The following OPRM1 variants were observed in gnomAD, a reference collection of about 807,000 sequenced individuals.
The protein encoded by OPRM1 is mu-type opioid receptor.
In OPRM1, 27 loss-of-function variants were observed where a neutral mutation model predicts 31.8. That is an observed-to-expected ratio of 0.85 (90% CI 0.63 to 1.17). The LOEUF is 1.17. Ranked by LOEUF, OPRM1 falls within the 50% of genes most tolerant of loss-of-function variation. The pLI, the probability that OPRM1 is intolerant of heterozygous loss-of-function variation, is 0.00. For missense variants in OPRM1, 536 were observed against 511.1 expected, an observed-to-expected ratio of 1.05 and a Z score of -0.47; for synonymous variants, 196 against 189.9, an observed-to-expected ratio of 1.03 and a Z score of -0.26.
chr6:154,245,357 G>C (rs1780945629), intron 3 of OPRM1, among the ~76,000 whole-genome samples: 1 of 152,084 alleles, frequency 6.6e-6, no homozygotes, highest in African/African-American at 2.4e-5. Context: ...GGTGAAGCTG[G>C]AGCAATAAGT....
chr6:154,015,320 A>T (rs529290604), intron 1 of OPRM1, among the ~76,000 whole-genome samples: 6 of 152,230 alleles, frequency 3.9e-5, no homozygotes, highest in African/African-American at 9.6e-5. Flanking sequence ...CACAAAATTT[A>T]AAAATTCTGA....
At chr6:154,019,231 T>A (rs1778197730) in intron 1 of OPRM1, among the ~76,000 whole-genome samples, 1 of 150,238 alleles carries the variant, frequency 6.7e-6, no homozygotes, top group African/African-American at 2.4e-5. Context: ...TAAAAAATCA[T>A]CTTTATTTTT....
intron 1 of OPRM1, among the ~76,000 whole-genome samples, chr6:154,012,181 C>T (rs1777766656): frequency 6.6e-6 from 1 of 152,244 alleles, no homozygotes; most frequent in African/African-American, 2.4e-5. Context: ...TTTTTAATAG[C>T]TGTGTTTTAA....
rs1787465881 is a variant in OPRM1, at chr6:154,128,470, C to A, written c.*9749C>A. 6.6e-6 allele frequency among the ~76,000 whole-genome samples: 1 copy of A among 152,218 alleles called. No homozygotes were observed. The highest frequency in any genetic ancestry group is 1.5e-5 in the Non-Finnish European group (1 of 68,036). On this transcript the variant is annotated 3_prime_UTR_variant, in exon 4 of 4. Coordinates refer to ENST00000330432, the MANE Select transcript of OPRM1 (RefSeq NM_000914.5). ...GCAAAATTCCAGTGAAGTCTAAGAA[C>A]TGGGACAGTCCGTTGAGGATCCTTG...
At chr6:154,136,702 A>T (rs1345595694), downstream of OPRM1, among the ~76,000 whole-genome samples, 1 of 152,098 alleles carries the variant, frequency 6.6e-6, no homozygotes, top group Non-Finnish European at 1.5e-5. Context: ...CATCTCCTTT[A>T]CTTCAAATAC....
intron 1 of OPRM1, among the ~76,000 whole-genome samples, chr6:154,080,141 G>A (rs558618988): frequency 1.3e-5 from 2 of 152,182 alleles, no homozygotes; most frequent in East Asian, 1.9e-4. Context: ...TGTCACATTT[G>A]GGGACATTTC....
chr6:154,036,762 A>G (rs1303220157), upstream of OPRM1, among the ~76,000 whole-genome samples: 1 of 151,882 alleles, frequency 6.6e-6, no homozygotes, highest in Non-Finnish European at 1.5e-5. Flanking sequence ...TATCACCCAG[A>G]TTGCATATAT....
chr6:154,126,546 G>C lies in OPRM1; in HGVS notation c.*7825G>C, dbSNP rs1049058106. ...GGTTCCCTCAGGAGCTGGGTTTCTGGGTTGCAGAAGTGCTTTTCATATTCT... is the reference window on the plus strand; with the variant it reads ...GGTTCCCTCAGGAGCTGGGTTTCTGCGTTGCAGAAGTGCTTTTCATATTCT... On this transcript the variant is annotated 3_prime_UTR_variant, in exon 4 of 4. Transcript: ENST00000330432. Among the ~76,000 whole-genome samples, 2 of 152,154 alleles carry C rather than the reference G, an allele frequency of 1.3e-5. No homozygotes were observed. The highest frequency in any genetic ancestry group is 4.8e-5 in the African/African-American group (2 of 41,428).
chr6:154,177,641 A>G (rs1188686712), intron 3 of OPRM1, among the ~76,000 whole-genome samples: 1 of 152,228 alleles, frequency 6.6e-6, no homozygotes, highest in Non-Finnish European at 1.5e-5. Context: ...AGGAAATAAC[A>G]GATGCTGGAG....
chr6:154,159,773 C>G, intron 3 of OPRM1: 1 of 1,377,334 alleles, frequency 7.3e-7, no homozygotes, highest in South Asian at 1.3e-5. Context: ...GCTTTTGCAA[C>G]ATCTTGAAGA....
At position 154,179,039 on chromosome 6, in the gene OPRM1, T is replaced by C. The variant is rs148334637; in HGVS notation, c.1165-67654T>C. ...CTCAGGGGATGCACTGTGCCCCAGG[T>C]CCACGACCCAGTCAGGGACATTACA... On this transcript the variant is annotated intron_variant, in intron 3 of 3. Transcript: ENST00000337049. Among the ~76,000 whole-genome samples the C allele has an allele frequency of 6.6e-5, 10 of 152,324 alleles. No homozygotes were observed. In the East Asian group the frequency reaches 1.9e-3, roughly 29 times the overall value.
intron 3 of OPRM1, among the ~76,000 whole-genome samples, chr6:154,213,945 G>A (rs1778171439): frequency 6.6e-6 from 1 of 152,198 alleles, no homozygotes; most frequent in Admixed American, 6.5e-5. Context: ...TTAAACATTT[G>A]CATCGGTGAC....
chr6:154,137,893 G>A (rs1049213335), intron 3 of OPRM1, among the ~76,000 whole-genome samples: 1 of 152,190 alleles, frequency 6.6e-6, no homozygotes, highest in African/African-American at 2.4e-5. Flanking sequence ...CCAGAACTCA[G>A]GGCTGAGACC....
At chr6:154,202,390 C>G (rs1777142654) in intron 3 of OPRM1, among the ~76,000 whole-genome samples, 1 of 152,102 alleles carries the variant, frequency 6.6e-6, no homozygotes, top group African/African-American at 2.4e-5. Flanking sequence ...GCACTACCCC[C>G]AAATTGTCCA....
intron 3 of OPRM1, among the ~76,000 whole-genome samples, chr6:154,096,944 A>G (rs1793498677): frequency 6.6e-6 from 1 of 152,186 alleles, no homozygotes; most frequent in Non-Finnish European, 1.5e-5. Flanking sequence ...AAAACAATAA[A>G]CTGAAATCTC....
At chr6:154,190,315 C>T (rs2128579813) in intron 3 of OPRM1, among the ~76,000 whole-genome samples, 1 of 152,046 alleles carries the variant, frequency 6.6e-6, no homozygotes, top group South Asian at 2.1e-4. Flanking sequence ...AGATACCTCA[C>T]CAAAGAAAGT....
intron 3 of OPRM1, among the ~76,000 whole-genome samples, chr6:154,202,533 T>C (rs927956707): frequency 6.6e-6 from 1 of 152,226 alleles, no homozygotes; most frequent in African/African-American, 2.4e-5. Context: ...TTCTATGTGA[T>C]CAACTTCCTT....
At chr6:154,018,946 A>G (rs2128379788) in intron 1 of OPRM1, among the ~76,000 whole-genome samples, 1 of 151,248 alleles carries the variant, frequency 6.6e-6, no homozygotes, top group East Asian at 2.0e-4. Flanking sequence ...TCTTAACAAT[A>G]TTACTTTTTT....
chr6:154,152,036 G>T (rs1169904413), intron 3 of OPRM1, among the ~76,000 whole-genome samples: 1 of 151,634 alleles, frequency 6.6e-6, no homozygotes, highest in Non-Finnish European at 1.5e-5. Context: ...AGTTAGCCGG[G>T]TATGGTGGCG....
Sources: allele counts gnomAD v4.1 joint callset (sites outside exome capture counted in the v4.1 genomes callset), GRCh38; gene constraint gnomAD v4.1.1; transcripts MANE v1.5; gene names NCBI Gene and HGNC (gene_info 2026-07-23, HGNC 2026-07-21).